Variants in APC observed in about 807,000 individuals in gnomAD.
The protein encoded by APC is adenomatous polyposis coli protein.
In APC, 72 loss-of-function variants were observed where a neutral mutation model predicts 247.0. The ratio of observed to expected loss-of-function variants is 0.29; its 90% confidence interval spans 0.24 to 0.35. The LOEUF (loss-of-function observed/expected upper bound fraction) is 0.35, where lower values mean the gene tolerates loss of function less well. APC is among the 10% of genes least tolerant of loss of function. The pLI, the probability that APC is intolerant of heterozygous loss-of-function variation, is 1.00. For missense variants in APC, 3,400 were observed against 3,360.7 expected, an observed-to-expected ratio of 1.01 and a Z score of -0.29; for synonymous variants, 1,254 against 1,162.5, an observed-to-expected ratio of 1.08 and a Z score of -1.60.
At chr5:112,790,944 T>C (rs1031328746) in intron 6 of APC, among the ~76,000 whole-genome samples, 1 of 152,208 alleles carries the variant, frequency 6.6e-6, no homozygotes, top group Non-Finnish European at 1.5e-5. Context: ...TTTTATAATA[T>C]AATTTTTGAT....
At chr5:112,780,054 TTA>T (rs1369230435) in intron 5 of APC, among the ~76,000 whole-genome samples, 3 of 152,210 alleles carry the variant, frequency 2.0e-5, no homozygotes, top group African/African-American at 4.8e-5. Flanking sequence ...GGGCATGGGT[TTA>T]TATGTTTCAT....
chr5:112,767,170 T>G lies in APC; in HGVS notation c.221-19T>G. On this transcript the variant is annotated intron_variant, in intron 3 of 15. Coordinates refer to ENST00000257430, the MANE Select transcript of APC (RefSeq NM_000038.6). ...CTTAAAGCAATTGTTGTATAAAAAC[T>G]TGTTTCTATTTTATTTAGAGCTTAA... is the stretch of plus-strand genomic sequence containing the variant. 6.3e-7 allele frequency: 1 copy of G among 1,588,992 alleles called. No individual in the cohort carries two copies. Among genetic ancestry groups the G allele is most frequent in the Non-Finnish European group, 8.6e-7 (1 of 1,157,350 alleles).
chr5:112,754,142 C>G (rs1236894958), intron 1 of APC, among the ~76,000 whole-genome samples: 1 of 152,182 alleles, frequency 6.6e-6, no homozygotes, highest in Non-Finnish European at 1.5e-5. Context: ...CTTTAGGTAT[C>G]TTTTGGCCTC....
intron 6 of APC, among the ~76,000 whole-genome samples, chr5:112,788,463 C>G (rs1193468474): frequency 6.6e-6 from 1 of 152,128 alleles, no homozygotes; most frequent in Non-Finnish European, 1.5e-5. Context: ...CACCATGATC[C>G]TAGGTAAATT....
At chr5:112,783,791 G>C in intron 6 of APC, 1 of 348,184 alleles carries the variant, frequency 2.9e-6, no homozygotes, top group Non-Finnish European at 5.4e-6. Context: ...AAAAGAGAAA[G>C]AAAGGAAAGA....
intron 1 of APC, among the ~76,000 whole-genome samples, chr5:112,727,495 A>G (rs905392224): frequency 2.0e-5 from 3 of 152,194 alleles, no homozygotes; most frequent in Non-Finnish European, 2.9e-5. Context: ...ACTATGCCCT[A>G]TATTTATTCT....
At chr5:112,760,315 T>C (rs1755511227) in intron 2 of APC, among the ~76,000 whole-genome samples, 1 of 152,174 alleles carries the variant, frequency 6.6e-6, no homozygotes, top group Admixed American at 6.5e-5. Context: ...CATGAGATAT[T>C]GGCCGAGTCT....
chr5:112,786,730 TAAAC>T (rs1758991760), intron 6 of APC, among the ~76,000 whole-genome samples: 1 of 152,196 alleles, frequency 6.6e-6, no homozygotes, highest in Non-Finnish European at 1.5e-5. Flanking sequence ...ACAGCTCTGA[TAAAC>T]ATACTTATTC....
chr5:112,834,753 T>C (rs1256658543), intron 14 of APC, among the ~76,000 whole-genome samples, 198 bp from the exon 15 acceptor site: 1 of 152,190 alleles, frequency 6.6e-6, no homozygotes, highest in Non-Finnish European at 1.5e-5. Context: ...TCTGCTTGTT[T>C]TATAGAGATA....
intron 14 of APC, among the ~76,000 whole-genome samples, chr5:112,832,784 A>C (rs1198981601): frequency 2.0e-5 from 3 of 152,172 alleles, no homozygotes; most frequent in Admixed American, 2.0e-4. Flanking sequence ...ATTTGATTAA[A>C]TTCAGGGTGT....
chr5:112,721,460 G>T (rs1052929504), intron 1 of APC, among the ~76,000 whole-genome samples: 28 of 152,240 alleles, frequency 1.8e-4, no homozygotes, highest in Middle Eastern at 3.4e-3. Context: ...TTTGATTTTT[G>T]AGATTTTTGG....
chr5:112,782,141 A>G (rs535693090), intron 6 of APC, among the ~76,000 whole-genome samples: 3 of 152,320 alleles, frequency 2.0e-5, no homozygotes, highest in Admixed American at 6.5e-5. Context: ...CCTCACAATC[A>G]TGGTGGAAGG....
intron 1 of APC, among the ~76,000 whole-genome samples, chr5:112,729,148 C>T (rs1481178404): frequency 6.6e-6 from 1 of 152,190 alleles, no homozygotes; most frequent in Non-Finnish European, 1.5e-5. Context: ...ATTATTGTAT[C>T]ATCTACATTC....
rs1765864921 is a variant in APC at position 112,840,758 on chromosome 5, G to C, written c.5164G>C (p.Asp1722His). The C allele has an allele frequency of 3.1e-6, 5 of 1,614,034 alleles. No individual in the cohort carries two copies. The highest frequency in any genetic ancestry group is 4.2e-6 in the Non-Finnish European group (5 of 1,179,926). ...GGATGACAATAAAGCAGAGGAAGGT[G>C]ATATTCTTGCAGAATGCATTAATTC... ...ELDDNKAEEGDILAECINSAM... is the reference protein window; with the variant it reads ...ELDDNKAEEGHILAECINSAM... Residue 1722 changes from aspartate to histidine, a missense_variant, in exon 16 of 16, where the codon GAT becomes CAT. This residue lies in a region of APC where 1,788 missense variants were observed against 1,649.5 expected (regional missense o/e 1.08). Transcript: ENST00000257430. The surrounding 1 kb of genome is among the most constrained non-coding windows in gnomAD (Gnocchi z 4.1).
In APC at chr5:112,775,656, A is replaced by G. The variant is rs116020626; in HGVS notation, c.450A>G (p.Lys150=). Residue 150 remains lysine, a synonymous_variant, in exon 5 of 16, where the codon AAA becomes AAG. Coordinates refer to ENST00000257430, the MANE Select transcript of APC (RefSeq NM_000038.6). ...CATTGCTTCTTGCTGATCTTGACAA[A>G]GAAGAAAAGGAAAAAGACTGGTATT... The part of the protein sequence containing the change: ...ERSLLLADLD[K]EEKEKDWYYA... 2.3e-4 allele frequency: 371 copies of G among 1,608,332 alleles called. No homozygotes were observed. Among genetic ancestry groups the G allele is most frequent in the Non-Finnish European group, 3.0e-4 (349 of 1,177,422 alleles).
At chr5:112,758,665 C>T (rs946512922) in intron 2 of APC, among the ~76,000 whole-genome samples, 6 of 151,696 alleles carry the variant, frequency 4.0e-5, no homozygotes, top group Admixed American at 3.3e-4. Flanking sequence ...TCGTTCTTGT[C>T]GCCCAGGCTG....
At chr5:112,791,739 T>A (rs1166485238) in intron 6 of APC, among the ~76,000 whole-genome samples, 1 of 152,254 alleles carries the variant, frequency 6.6e-6, no homozygotes, top group African/African-American at 2.4e-5. Flanking sequence ...AAATTTATTA[T>A]ATTGTATTAA....
chr5:112,825,948 T>A (rs1264923283), intron 11 of APC, among the ~76,000 whole-genome samples: 1 of 152,230 alleles, frequency 6.6e-6, no homozygotes, highest in African/African-American at 2.4e-5. Context: ...AAAATTTTCC[T>A]AAATATGATT....
intron 1 of APC, among the ~76,000 whole-genome samples, chr5:112,747,376 A>G (rs981956288): frequency 5.3e-5 from 8 of 152,266 alleles, no homozygotes; most frequent in Non-Finnish European, 1.0e-4. Flanking sequence ...GAATTGAGCT[A>G]TAAGAAATAC....
Sources: allele counts gnomAD v4.1 joint callset (sites outside exome capture counted in the v4.1 genomes callset), GRCh38; gene constraint gnomAD v4.1.1; regional missense constraint gnomAD v4.1.1; non-coding constraint Gnocchi (gnomAD v3.1); transcripts MANE v1.5; gene names NCBI Gene and HGNC (gene_info 2026-07-23, HGNC 2026-07-21).